The following CYBB variants were observed in gnomAD, a reference collection of about 807,000 sequenced individuals.
The protein encoded by CYBB is cytochrome b-245 beta chain.
Under a neutral mutation model 46.5 loss-of-function variants are expected in CYBB, and 5 were observed. That is an observed-to-expected ratio of 0.11 (90% CI 0.06 to 0.23). The LOEUF (loss-of-function observed/expected upper bound fraction) is 0.23, where lower values mean the gene tolerates loss of function less well. Among genes scored for constraint, CYBB ranks in the 10% least tolerant of loss-of-function variants. The pLI, the probability that CYBB is intolerant of heterozygous loss-of-function variation, is 1.00. For synonymous variants in CYBB, 183 were observed against 156.7 expected (o/e 1.17, Z -1.26); for missense variants, 307 against 428.3 (o/e 0.72, Z 2.50).
rs782472290 is a variant in CYBB, at chrX:37,780,796, G to A, written c.45+674G>A. Among the ~76,000 whole-genome samples, 18 of 110,681 alleles carry A rather than the reference G, an allele frequency of 1.6e-4. No individual in the cohort carries two copies. The East Asian group carries it at 3.4e-3, about 21-fold the overall frequency. Reference sequence around the variant, plus strand: ...TAAAGATATAGCTAATTTACAAGTGGACAGAATGATTTCTGTACTTTTTAA... The same window carrying A: ...TAAAGATATAGCTAATTTACAAGTGAACAGAATGATTTCTGTACTTTTTAA... On this transcript the variant is annotated intron_variant, in intron 1 of 12. Transcript: ENST00000378588.
chrX:37,807,736 G>A (rs1222982887), intron 11 of CYBB, among the ~76,000 whole-genome samples: 1 of 111,348 alleles, frequency 9.0e-6, no homozygotes, highest in Non-Finnish European at 1.9e-5. Context: ...GTATGTGTGT[G>A]TGTATGTGTG....
chrX:37,795,929 T>TGC, intron 5 of CYBB, 22 bp from the exon 6 acceptor site: 1 of 1,034,510 alleles, frequency 9.7e-7, no homozygotes, highest in Non-Finnish European at 1.4e-6. Flanking sequence ...TGTGTGTGTG[T>TGC]GTGTGTGTTT....
intron 12 of CYBB, among the ~76,000 whole-genome samples, chrX:37,810,216 G>A (rs1007990013): frequency 8.9e-6 from 1 of 111,828 alleles, no homozygotes; most frequent in Non-Finnish European, 1.9e-5. Flanking sequence ...ATCACCATAC[G>A]TGTACCCTTC....
intron 9 of CYBB, among the ~76,000 whole-genome samples, chrX:37,804,755 T>TAA (rs781798398): frequency 1.0e-5 from 1 of 99,603 alleles, no homozygotes; most frequent in African/African-American, 3.6e-5. Flanking sequence ...GTGGGGAGAT[T>TAA]AAAAAAAAAA....
chrX:37,785,153 C>A (rs1929035269), intron 3 of CYBB, among the ~76,000 whole-genome samples: 1 of 112,208 alleles, frequency 8.9e-6, no homozygotes, highest in East Asian at 2.8e-4. Flanking sequence ...CAAAATTGGG[C>A]TCTCACAAAT....
intron 8 of CYBB, among the ~76,000 whole-genome samples, chrX:37,803,328 T>A (rs1340106802): frequency 1.8e-5 from 2 of 110,856 alleles, no homozygotes; most frequent in South Asian, 3.9e-4. Context: ...TAAGGCCCTC[T>A]CTCATCCTCT....
intron 8 of CYBB, among the ~76,000 whole-genome samples, chrX:37,801,589 TG>T (rs1556469951): frequency 2.3e-5 from 2 of 85,932 alleles, no homozygotes; most frequent in African/African-American, 1.2e-4. Flanking sequence ...CCACCCATTG[TG>T]TGTGTGTGTG....
rs1929141853 is a variant in CYBB, at chrX:37,789,368, T to C, written c.253-2607T>C. Among the ~76,000 whole-genome samples, 5 of 109,599 alleles carry C rather than the reference T, an allele frequency of 4.6e-5. No homozygotes were observed. The South Asian group carries it at 1.9e-3, about 42-fold the overall frequency. On this transcript the variant is annotated intron_variant, in intron 3 of 12. Coordinates refer to ENST00000378588, the MANE Select transcript of CYBB (RefSeq NM_000397.4). Reference sequence around the variant, plus strand: ...CAGGTCCAAACTCAAGGGGAGGAGATTATATAAGTCATTGGGGGTCATTCT... The same window carrying C: ...CAGGTCCAAACTCAAGGGGAGGAGACTATATAAGTCATTGGGGGTCATTCT...
rs990458040 is a variant in CYBB at position 37,804,050 on chromosome X, C to T, written c.1071C>T (p.Ile357=). The T allele has an allele frequency of 1.2e-5, 14 of 1,208,944 alleles. No homozygotes were observed. The highest frequency in any genetic ancestry group is 6.6e-5 in the Admixed American group (3 of 45,650). The change falls in exon 9 of 13, where the codon ATC becomes ATT. Residue 357 remains isoleucine, a synonymous_variant. Coordinates refer to ENST00000378588, the MANE Select transcript of CYBB (RefSeq NM_000397.4). ...EEDFFSIHIR[I]VGDWTEGLFN... The stretch of plus-strand genomic sequence containing the variant: ...ACTTCTTTAGTATCCATATCCGCAT[C>T]GTTGGGGACTGGACAGAGGGGCTGT...
intron 3 of CYBB, among the ~76,000 whole-genome samples, chrX:37,784,882 A>G (rs782010444): frequency 1.1e-4 from 12 of 111,747 alleles, no homozygotes; most frequent in African/African-American, 2.3e-4. Flanking sequence ...CTGCATATGT[A>G]TAGTTGAGGA....
At chrX:37,807,953 A>G (rs1602184983) in intron 11 of CYBB, among the ~76,000 whole-genome samples, 2 of 112,065 alleles carry the variant, frequency 1.8e-5, no homozygotes, top group South Asian at 7.4e-4. Context: ...GAAATTGACA[A>G]ACCCTGAAAC....
intron 5 of CYBB, among the ~76,000 whole-genome samples, chrX:37,795,279 G>A (rs188351270): frequency 3.8e-4 from 42 of 111,616 alleles, no homozygotes; most frequent in African/African-American, 1.3e-3. Context: ...CCAATAACTG[G>A]TGGATGCAGA....
chrX:37,792,085 AC>A, intron 4 of CYBB, 26 bp downstream of exon 4: 1 of 1,022,927 alleles, frequency 9.8e-7, no homozygotes, highest in Non-Finnish European at 1.4e-6. Context: ...AAAACTTGGA[AC>A]CAGGGAGTTC....
chrX:37,786,226 T>G (rs1461546431), intron 3 of CYBB, among the ~76,000 whole-genome samples: 1 of 111,759 alleles, frequency 8.9e-6, no homozygotes, highest in East Asian at 2.8e-4. Context: ...TGAAGCTTAA[T>G]GGAATTCACC....
intron 3 of CYBB, among the ~76,000 whole-genome samples, chrX:37,783,856 G>A (rs1270259208): frequency 5.4e-5 from 6 of 110,637 alleles, no homozygotes; most frequent in Non-Finnish European, 1.1e-4. Flanking sequence ...TAGCACACAC[G>A]TACACGTTTA....
chrX:37,782,260 A>G, intron 2 of CYBB, 77 bp downstream of exon 2: 1 of 720,400 alleles, frequency 1.4e-6, no homozygotes, highest in East Asian at 3.2e-5. Context: ...TCTTCCTGTT[A>G]GCATTTTAAA....
At chrX:37,796,228 C>T in intron 6 of CYBB, 87 bp downstream of exon 6, 1 of 821,288 alleles carries the variant, frequency 1.2e-6, no homozygotes, top group Admixed American at 2.2e-5. Context: ...GACCTCCTTG[C>T]CTGTGTGTGG....
intron 7 of CYBB, 80 bp downstream of exon 7, chrX:37,799,164 T>C: frequency 1.1e-6 from 1 of 895,253 alleles, no homozygotes; most frequent in Non-Finnish European, 1.6e-6. Flanking sequence ...GTACAGATGT[T>C]ATACATCTAT....
At chrX:37,785,935 G>A (rs1556465446) in intron 3 of CYBB, among the ~76,000 whole-genome samples, 1 of 111,443 alleles carries the variant, frequency 9.0e-6, no homozygotes, top group South Asian at 3.7e-4. Flanking sequence ...CTGTGACCCA[G>A]GAGGGAAGAT....
Sources: gnomAD v4.1 joint callset for allele counts (sites outside exome capture counted in the v4.1 genomes callset) on GRCh38, gnomAD v4.1.1 for gene constraint, MANE v1.5 for transcripts, NCBI Gene and HGNC (gene_info 2026-07-23, HGNC 2026-07-21) for gene names.